Variants in AJAP1 observed in about 807,000 individuals in gnomAD.
AJAP1 encodes the protein adherens junctions associated protein 1.
Under a neutral mutation model 35.0 loss-of-function variants are expected in AJAP1, and 5 were observed. The ratio of observed to expected loss-of-function variants is 0.14; its 90% CI spans 0.07 to 0.30. The LOEUF is 0.30. Ranked by LOEUF, AJAP1 falls within the 10% of genes least tolerant of loss-of-function variation. The pLI is 1.00. For missense variants in AJAP1, 586 were observed against 571.0 expected (o/e 1.03, Z -0.27); for synonymous variants, 284 against 249.3 (o/e 1.14, Z -1.31).
chr1:4,751,496 G>A (rs975310098), intron 2 of AJAP1, among the ~76,000 whole-genome samples: 3 of 152,184 alleles, frequency 2.0e-5, no homozygotes, highest in East Asian at 1.9e-4. Flanking sequence ...TCACTCACTC[G>A]TTCAATCAGT....
intron 2 of AJAP1, among the ~76,000 whole-genome samples, chr1:4,744,406 A>G (rs1240587562): frequency 1.3e-5 from 2 of 152,158 alleles, no homozygotes; most frequent in Non-Finnish European, 2.9e-5. Flanking sequence ...CAATTATTAA[A>G]CTGTATTAGA....
intron 1 of AJAP1, among the ~76,000 whole-genome samples, chr1:4,682,577 G>C (rs79312995): frequency 1.2e-3 from 188 of 152,342 alleles, no homozygotes; most frequent in Non-Finnish European, 2.3e-3. Context: ...CTCTACCCAA[G>C]ACTGCATGGT....
At chr1:4,758,177 A>T (rs1345635731) in intron 2 of AJAP1, among the ~76,000 whole-genome samples, 1 of 152,142 alleles carries the variant, frequency 6.6e-6, no homozygotes, top group African/African-American at 2.4e-5. Flanking sequence ...TTTCCCTTAT[A>T]AATTACCCAG....
chr1:4,755,859 A>G (rs1641418425), intron 2 of AJAP1, among the ~76,000 whole-genome samples: 1 of 151,976 alleles, frequency 6.6e-6, no homozygotes, highest in South Asian at 2.1e-4. Flanking sequence ...CACTGGAGTA[A>G]GGGGGGTTCT....
At position 4,720,159 on chromosome 1, in the gene AJAP1, G is replaced by A. The variant is rs866360532; in HGVS notation, c.829+7460G>A. Among the ~76,000 whole-genome samples, 8 of 152,128 alleles carry A rather than the reference G, an allele frequency of 5.3e-5. No individual in the cohort carries two copies. The highest frequency in any genetic ancestry group is 1.7e-4 in the African/African-American group (7 of 41,418). On this transcript the variant is annotated intron_variant, in intron 2 of 5. Transcript: ENST00000378191. This position sits in a 1 kb window ranked among gnomAD's most constrained non-coding sequence, Gnocchi z 4.4. The stretch of plus-strand genomic sequence containing the variant: ...CAGGTGGTCACTGACACTCAGTCCC[G>A]GAGACTCAGCCAAATTCAGAGGCAG...
intron 5 of AJAP1, among the ~76,000 whole-genome samples, chr1:4,781,652 G>A (rs1446836330): frequency 6.6e-6 from 1 of 152,212 alleles, no homozygotes; most frequent in Non-Finnish European, 1.5e-5. Context: ...ATTGCCTGTA[G>A]TTGAAAGGAG....
At chr1:4,710,460 T>A (rs1452167846) in intron 1 of AJAP1, among the ~76,000 whole-genome samples, 2 of 124,796 alleles carry the variant, frequency 1.6e-5, no homozygotes, top group Admixed American at 7.7e-5. Context: ...GTCACACACG[T>A]ACACACTCAC....
intron 2 of AJAP1, among the ~76,000 whole-genome samples, chr1:4,718,551 T>C (rs1311918096): frequency 6.6e-6 from 1 of 151,774 alleles, no homozygotes; most frequent in Non-Finnish European, 1.5e-5. Context: ...GTGGGGCACT[T>C]GGCTCACTGC....
At chr1:4,765,591 G>T (rs937605434) in intron 2 of AJAP1, among the ~76,000 whole-genome samples, 2 of 152,074 alleles carry the variant, frequency 1.3e-5, no homozygotes, top group Non-Finnish European at 1.5e-5. Flanking sequence ...AGACCAATAA[G>T]ATATGGTCTC....
chr1:4,780,956 G>A (rs1642049951), intron 5 of AJAP1, among the ~76,000 whole-genome samples: 2 of 152,144 alleles, frequency 1.3e-5, no homozygotes, highest in Middle Eastern at 3.2e-3. Flanking sequence ...ATGTCATTTG[G>A]AGGCAGCAAG....
chr1:4,726,165 T>A (rs550516938), intron 2 of AJAP1, among the ~76,000 whole-genome samples: 1 of 151,822 alleles, frequency 6.6e-6, no homozygotes, highest in African/African-American at 2.4e-5. Context: ...GGGCAGGCCC[T>A]GAATCCTGCA....
At chr1:4,767,434 A>G (rs1395831458) in intron 2 of AJAP1, among the ~76,000 whole-genome samples, 4 of 151,784 alleles carry the variant, frequency 2.6e-5, no homozygotes, top group African/African-American at 9.7e-5. Context: ...TACCATCACT[A>G]TCATCATCAC....
intron 1 of AJAP1, among the ~76,000 whole-genome samples, chr1:4,685,578 C>A (rs549925483): frequency 1.1e-4 from 16 of 152,188 alleles, no homozygotes; most frequent in African/African-American, 3.9e-4. Context: ...CCAATGGCAT[C>A]GACAGATCAC....
In AJAP1 at chr1:4,655,561, C is replaced by T. The variant is rs1638859631; in HGVS notation, c.29+107C>T. 4 of 1,398,570 alleles carry T rather than the reference C, an allele frequency of 2.9e-6. No homozygotes were observed. The highest frequency in any genetic ancestry group is 2.2e-5 in the Admixed American group (1 of 46,342). 86.6% of individuals were successfully genotyped at this position (1,398,570 alleles called of 1,614,324 possible). Reference sequence around the variant, plus strand: ...AAATCAAGGGACCCCTCTTCGCTTCCCGCAAGCGGGCAACGGGGTGCACCG... The same window carrying T: ...AAATCAAGGGACCCCTCTTCGCTTCTCGCAAGCGGGCAACGGGGTGCACCG... On this transcript the variant is annotated intron_variant, in intron 1 of 5. Transcript: ENST00000378191. This position sits in a 1 kb window ranked among gnomAD's most constrained non-coding sequence, Gnocchi z 6.9.
rs190543354 is a variant in AJAP1, at chr1:4,657,625, G to A, written c.29+2171G>A. Among the ~76,000 whole-genome samples the A allele has an allele frequency of 4.0e-5, 6 of 151,006 alleles. No individual in the cohort carries two copies. In the East Asian group the frequency reaches 1.2e-3, roughly 30 times the overall value. On this transcript the variant is annotated intron_variant, in intron 1 of 5. Coordinates refer to ENST00000378191, the MANE Select transcript of AJAP1 (RefSeq NM_018836.4). The stretch of plus-strand genomic sequence containing the variant: ...GCTGCCAAGCTTGGAGCCTGGTTAG[G>A]ACAGGTAGACACTGAGCCTCCAGCT...
rs1298914273 is a variant in AJAP1 at position 4,693,098 on chromosome 1, T to C, written c.30-18802T>C. Reference sequence around the variant, plus strand: ...CCTGGAAGCCACCCTTCCCTCACCATGGCCCAGGGAGGTTGACAGGGCTGG... The same window carrying C: ...CCTGGAAGCCACCCTTCCCTCACCACGGCCCAGGGAGGTTGACAGGGCTGG... On this transcript the variant is annotated intron_variant, in intron 1 of 5. Transcript: ENST00000378191. This position sits in a 1 kb window ranked among gnomAD's most constrained non-coding sequence, Gnocchi z 4.4. Among the ~76,000 whole-genome samples, 1 of 152,164 alleles carries C rather than the reference T, an allele frequency of 6.6e-6. No individual in the cohort carries two copies. The highest frequency in any genetic ancestry group is 1.5e-5 in the Non-Finnish European group (1 of 68,020).
At chr1:4,671,365 C>T (rs1325632898) in intron 1 of AJAP1, among the ~76,000 whole-genome samples, 4 of 113,924 alleles carry the variant, frequency 3.5e-5, no homozygotes, top group Admixed American at 2.8e-4. Context: ...CGAGACTCTG[C>T]CTCAAAAAAA....
intron 5 of AJAP1, among the ~76,000 whole-genome samples, chr1:4,778,100 T>G (rs1419955704): frequency 6.6e-6 from 1 of 152,208 alleles, no homozygotes; most frequent in African/African-American, 2.4e-5. Context: ...TTACACCCAG[T>G]GCGCCACTGC....
chr1:4,706,594 C>T (rs370660788), intron 1 of AJAP1, among the ~76,000 whole-genome samples: 54 of 152,150 alleles, frequency 3.5e-4, no homozygotes, highest in African/African-American at 1.2e-3. Context: ...GGCTGTTCCC[C>T]GGTGGAACAA....
Sources: allele counts gnomAD v4.1 joint callset (sites outside exome capture counted in the v4.1 genomes callset), GRCh38; gene constraint gnomAD v4.1.1; non-coding constraint Gnocchi (gnomAD v3.1); transcripts MANE v1.5; gene names NCBI Gene and HGNC (gene_info 2026-07-23, HGNC 2026-07-21).